Variants in DLG2 observed in about 807,000 individuals in gnomAD.
The protein encoded by DLG2 is disks large homolog 2.
A neutral mutation model predicts 132.5 loss-of-function variants in DLG2; 45 were observed. The ratio of observed to expected loss-of-function variants is 0.34; its 90% confidence interval spans 0.27 to 0.44. The LOEUF is 0.44. Ranked by LOEUF, DLG2 falls within the 20% of genes least tolerant of loss-of-function variation. The probability of loss-of-function intolerance (pLI) is 1.00; values close to 1 mark genes in which losing one functional copy is unlikely to be tolerated. For missense variants in DLG2, 1,045 were observed against 1,196.9 expected (o/e 0.87, Z 1.87); for synonymous variants, 424 against 419.6 (o/e 1.01, Z -0.13).
rs60646994 is a variant in DLG2, at chr11:85,070,305, AAAATAAAT to A, written c.357+41348_357+41355del. Among the ~76,000 whole-genome samples, 350 of 145,922 alleles carry A rather than the reference AAAATAAAT, an allele frequency of 2.4e-3. 4 individuals carry two copies. Among genetic ancestry groups the A allele is most frequent in the Admixed American group, 7.8e-3 (114 of 14,654 alleles). On this transcript the variant is annotated intron_variant, in intron 6 of 27. Coordinates refer to ENST00000376104, the MANE Select transcript of DLG2 (RefSeq NM_001142699.3). Reference sequence around the variant, plus strand: ...TACCCTAGAACTTAAAGTATAATAAAAAATAAATAAATAAATAAATAAATAAATAAATA... The same window carrying A: ...TACCCTAGAACTTAAAGTATAATAAAAAATAAATAAATAAATAAATAAATA...
rs148990100 is a variant in DLG2 at position 84,644,303 on chromosome 11, T to G, written c.358-109572A>C. ...ATCTCCTAGTGTGAAAAATATTTCT[T>G]CACTTCCTCCAGCAATAAGAGATTA... is the stretch of plus-strand genomic sequence containing the variant. On this transcript the variant is annotated intron_variant, in intron 6 of 27. Coordinates refer to ENST00000376104, the MANE Select transcript of DLG2 (RefSeq NM_001142699.3). Among the ~76,000 whole-genome samples the G allele has an allele frequency of 6.8e-3, 1,041 of 152,256 alleles. 10 individuals carry two copies. Among genetic ancestry groups the G allele is most frequent in the Middle Eastern group, 0.021 (6 of 292 alleles).
At chr11:85,431,687 G>A (rs1039297871) in intron 3 of DLG2, among the ~76,000 whole-genome samples, 3 of 152,228 alleles carry the variant, frequency 2.0e-5, no homozygotes, top group South Asian at 2.1e-4. Flanking sequence ...AGCTCCTAGC[G>A]GGAGTGGTGC....
At chr11:83,932,752 C>T (rs1435277570) in intron 14 of DLG2, among the ~76,000 whole-genome samples, 1 of 150,936 alleles carries the variant, frequency 6.6e-6, no homozygotes, top group African/African-American at 2.4e-5. Flanking sequence ...TTTAAAAAAC[C>T]TTCTGGTTCT....
intron 8 of DLG2, among the ~76,000 whole-genome samples, chr11:84,232,979 A>G (rs1252803779): frequency 6.6e-6 from 1 of 152,228 alleles, no homozygotes; most frequent in Non-Finnish European, 1.5e-5. Context: ...GGGCCTGAGC[A>G]CAAGTCCAAT....
At chr11:85,130,016 T>C (rs1236591800) in intron 5 of DLG2, among the ~76,000 whole-genome samples, 10 of 151,572 alleles carry the variant, frequency 6.6e-5, no homozygotes, top group Admixed American at 3.3e-4. Context: ...TGAGAACATA[T>C]GGGCACAGGG....
chr11:83,980,785 T>C (rs2092706231), intron 11 of DLG2, 143 bp from the exon 12 acceptor site: 3 of 823,080 alleles, frequency 3.6e-6, no homozygotes, highest in African/African-American at 1.8e-5. Flanking sequence ...AAAAACTGTA[T>C]TTCAATCTCG....
In DLG2 at chr11:84,902,726, C is replaced by T. The variant is rs576415450; in HGVS notation, c.357+208935G>A. Among the ~76,000 whole-genome samples, 7 of 152,232 alleles carry T rather than the reference C, an allele frequency of 4.6e-5. No individual in the cohort carries two copies. In the East Asian group the frequency reaches 1.4e-3, roughly 29 times the overall value. Reference sequence around the variant, plus strand: ...GGCATGTATAGCTGTCCACTGAATGCCTCTCAGGGCTTACCCATAGTACTC... The same window carrying T: ...GGCATGTATAGCTGTCCACTGAATGTCTCTCAGGGCTTACCCATAGTACTC... On this transcript the variant is annotated intron_variant, in intron 6 of 27. Coordinates refer to ENST00000376104, the MANE Select transcript of DLG2 (RefSeq NM_001142699.3).
At chr11:83,631,409 T>C (rs531612001) in intron 19 of DLG2, 1 of 152,148 alleles carries the variant, frequency 6.6e-6, no homozygotes, top group East Asian at 1.9e-4. Flanking sequence ...AGAGATTTCA[T>C]TTGGGGACTT....
At position 84,317,225 on chromosome 11, in the gene DLG2, G is replaced by C. The variant is rs145914767; in HGVS notation, c.520-65934C>G. 90 of 1,520,092 alleles carry C rather than the reference G, an allele frequency of 5.9e-5. No homozygotes were observed. The East Asian group carries it at 2.0e-3, about 34-fold the overall frequency. The allele number at this position is 1,520,092 out of a possible 1,614,324, so 94.2% of individuals were successfully genotyped here. A position where few individuals can be genotyped will look rare whatever the true frequency, so the allele number is the denominator to read the frequency against. On this transcript the variant is annotated intron_variant, in intron 7 of 27. Transcript: ENST00000376104. Reference sequence around the variant, plus strand: ...CCCTCACACCCCTTTCTTCCAGCCAGTTGTAAAAGTCTTTTTTCCACCGTG... The same window carrying C: ...CCCTCACACCCCTTTCTTCCAGCCACTTGTAAAAGTCTTTTTTCCACCGTG...
At chr11:84,218,551 A>C (rs1296356202) in intron 8 of DLG2, among the ~76,000 whole-genome samples, 2 of 152,216 alleles carry the variant, frequency 1.3e-5, no homozygotes, top group Non-Finnish European at 2.9e-5. Flanking sequence ...GCCTGAAGCA[A>C]GGCTTTTAAG....
intron 7 of DLG2, among the ~76,000 whole-genome samples, chr11:84,346,640 C>T (rs1037396304): frequency 6.6e-6 from 1 of 152,160 alleles, no homozygotes; most frequent in Non-Finnish European, 1.5e-5. Context: ...TGCAGTGGCA[C>T]GATCTTGGCT....
At chr11:84,374,051 T>C (rs1347725300) in intron 7 of DLG2, among the ~76,000 whole-genome samples, 2 of 152,202 alleles carry the variant, frequency 1.3e-5, no homozygotes, top group African/African-American at 4.8e-5. Context: ...AAAAATTATT[T>C]GCTTTAATGA....
intron 9 of DLG2, among the ~76,000 whole-genome samples, chr11:84,115,572 A>G (rs2093595103): frequency 6.6e-6 from 1 of 152,184 alleles, no homozygotes; most frequent in African/African-American, 2.4e-5. Flanking sequence ...GACTGCAATT[A>G]TCATGTCCCC....
chr11:85,490,272 T>C (rs1234158242), intron 3 of DLG2, among the ~76,000 whole-genome samples: 1 of 151,684 alleles, frequency 6.6e-6, no homozygotes, highest in Non-Finnish European at 1.5e-5. Flanking sequence ...ACAGCAAAAA[T>C]AATGCTAACA....
chr11:84,523,391 T>A (rs2099310478), intron 7 of DLG2, among the ~76,000 whole-genome samples: 1 of 152,222 alleles, frequency 6.6e-6, no homozygotes, highest in Non-Finnish European at 1.5e-5. Flanking sequence ...CAAGTAAGTC[T>A]GATTCTAAAG....
intron 6 of DLG2, among the ~76,000 whole-genome samples, chr11:84,877,132 G>A (rs1447561209): frequency 1.3e-5 from 2 of 152,146 alleles, no homozygotes; most frequent in Non-Finnish European, 2.9e-5. Flanking sequence ...GAATAAGCGT[G>A]ATGTGGTGCT....
intron 4 of DLG2, among the ~76,000 whole-genome samples, chr11:85,215,448 A>T (rs2082523419): frequency 6.6e-6 from 1 of 152,220 alleles, no homozygotes; most frequent in Non-Finnish European, 1.5e-5. Context: ...CCACCTCAAA[A>T]TATTCCACTT....
In DLG2 at chr11:83,600,559, G is replaced by A. The variant is rs1594232956; in HGVS notation, c.1940+32652C>T. On this transcript the variant is annotated intron_variant, in intron 19 of 27. Coordinates refer to ENST00000376104, the MANE Select transcript of DLG2 (RefSeq NM_001142699.3). ...CAGACAGGAAGAGAGAGAGGGTAGT[G>A]TCTGAGTGCCAAAAGTCATCCATGT... Among the ~76,000 whole-genome samples the A allele has an allele frequency of 2.0e-5, 3 of 152,202 alleles. No individual in the cohort carries two copies. The South Asian group carries it at 6.2e-4, about 32-fold the overall frequency.
At chr11:84,988,574 AC>A (rs535827633) in intron 6 of DLG2, among the ~76,000 whole-genome samples, 40 of 152,338 alleles carry the variant, frequency 2.6e-4, no homozygotes, top group African/African-American at 9.4e-4. Flanking sequence ...TTTCGCAGCA[AC>A]CTGGATGAGA....
Sources: gnomAD v4.1 joint callset for allele counts (sites outside exome capture counted in the v4.1 genomes callset) on GRCh38, gnomAD v4.1.1 for gene constraint, MANE v1.5 for transcripts, NCBI Gene and HGNC (gene_info 2026-07-23, HGNC 2026-07-21) for gene names.